Variants in RBFA observed in about 807,000 individuals in gnomAD.
The protein encoded by RBFA is putative ribosome-binding factor A, mitochondrial.
Under a neutral mutation model 27.9 loss-of-function variants are expected in RBFA, and 16 were observed. The ratio of observed to expected loss-of-function variants is 0.57; its 90% CI spans 0.39 to 0.87. RBFA has a LOEUF of 0.87. RBFA is among the 40% of genes least tolerant of loss of function. RBFA has a pLI of 0.00. For missense variants in RBFA, 456 were observed against 432.1 expected (o/e 1.06, Z -0.49); for synonymous variants, 181 against 181.0 (o/e 1.00, Z 0.00).
chr18:80,043,716 A>T (rs11661639), intron 5 of RBFA, among the ~76,000 whole-genome samples: 1 of 152,082 alleles, frequency 6.6e-6, no homozygotes, highest in East Asian at 1.9e-4. Flanking sequence ...GGCCATTGCC[A>T]TGGTGTGGGT....
chr18:80,043,056 G>A (rs930935246), intron 5 of RBFA, among the ~76,000 whole-genome samples: 1 of 152,110 alleles, frequency 6.6e-6, no homozygotes, highest in East Asian at 1.9e-4. Flanking sequence ...TGAGACTTAG[G>A]TCTGTCCTGT....
At chr18:80,040,444 C>G (rs1156429015) in intron 4 of RBFA, among the ~76,000 whole-genome samples, 2 of 151,846 alleles carry the variant, frequency 1.3e-5, no homozygotes, top group African/African-American at 2.4e-5. Flanking sequence ...GATAGGATCT[C>G]TCTATGTTGT....
Position 80,046,781 on chromosome 18 carries a change from ACCGTGG to A in RBFA, c.*627_*632del, listed in dbSNP as rs751182856. 129 of 153,354 alleles carry A rather than the reference ACCGTGG, an allele frequency of 8.4e-4. No homozygotes were observed. Among genetic ancestry groups the A allele is most frequent in the Non-Finnish European group, 1.6e-3 (107 of 68,778 alleles). 9.5% of individuals were successfully genotyped at this position (153,354 alleles called of 1,614,324 possible). Reference sequence around the variant, plus strand: ...GGCTTCCTGGGCGACCCCGGCTCTGACCGTGGTTCCATCACGCCTGAAGTAGTAACA... The same window carrying A: ...GGCTTCCTGGGCGACCCCGGCTCTGATTCCATCACGCCTGAAGTAGTAACA... On this transcript the variant is annotated 3_prime_UTR_variant, in exon 7 of 7. Coordinates refer to ENST00000306735, the MANE Select transcript of RBFA (RefSeq NM_024805.3).
intron 4 of RBFA, among the ~76,000 whole-genome samples, chr18:80,040,527 C>T (rs148578037): frequency 1.3e-5 from 2 of 152,240 alleles, no homozygotes; most frequent in African/African-American, 4.8e-5. Context: ...AGATTACAGG[C>T]ATGAGCTACT....
intron 2 of RBFA, 46 bp downstream of exon 2, chr18:80,036,756 G>T (rs149174800): frequency 3.4e-6 from 5 of 1,484,008 alleles, no homozygotes; most frequent in Admixed American, 1.8e-5. Context: ...TGGGAGTGAG[G>T]GTTTAAAAGT....
At chr18:80,035,531 A>T (rs1238268785) in intron 1 of RBFA, 3 of 152,166 alleles carry the variant, frequency 2.0e-5, no homozygotes. Context: ...GGGGAGGAAG[A>T]CTACAGAGGT....
Position 80,037,484 on chromosome 18 carries a change from A to G in RBFA, c.356A>G (p.Asp119Gly). ...CTPEVSQELYDLNVELSKVSL... is the reference protein window; with the variant it reads ...CTPEVSQELYGLNVELSKVSL... Reference sequence around the variant, plus strand: ...CCTGAAGTGAGTCAGGAGCTGTATGACCTTAACGTGGAGCTCTCCAAGGTA... The same window carrying G: ...CCTGAAGTGAGTCAGGAGCTGTATGGCCTTAACGTGGAGCTCTCCAAGGTA... Residue 119 changes from aspartate to glycine, a missense_variant, in exon 3 of 7, where the codon GAC becomes GGC. Coordinates refer to ENST00000306735, the MANE Select transcript of RBFA (RefSeq NM_024805.3). 1 of 1,612,998 alleles carries G rather than the reference A, an allele frequency of 6.2e-7. No homozygotes were observed. The highest frequency in any genetic ancestry group is 8.5e-7 in the Non-Finnish European group (1 of 1,179,118).
At chr18:80,045,730 G>T in intron 6 of RBFA, 44 bp from the exon 7 acceptor site, 1 of 1,497,976 alleles carries the variant, frequency 6.7e-7, no homozygotes, top group Non-Finnish European at 8.9e-7. Flanking sequence ...TGTGGACTAG[G>T]GGCATGGTTT....
rs763435545 is a variant in RBFA, at chr18:80,046,126, G to C, written c.1003G>C (p.Gly335Arg). 3.1e-6 allele frequency: 5 copies of C among 1,614,086 alleles called. No homozygotes were observed. The East Asian group carries it at 1.1e-4, about 36-fold the overall frequency. Residue 335 changes from glycine (G) to arginine (R), a missense_variant, in exon 7 of 7, where the codon GGC becomes CGC. Coordinates refer to ENST00000306735, the MANE Select transcript of RBFA (RefSeq NM_024805.3). ...AERGGGRTED[G>R]HSCGASRE ...GAGAGGAGGTGGCAGAACAGAGGAT[G>C]GCCACAGCTGCGGAGCAAGCAGGGA...
At chr18:80,040,072 G>C (rs1239448966) in intron 4 of RBFA, among the ~76,000 whole-genome samples, 1 of 151,972 alleles carries the variant, frequency 6.6e-6, no homozygotes, top group Non-Finnish European at 1.5e-5. Context: ...ACCATGCCCA[G>C]CTAATTTTTG....
At chr18:80,036,589 G>A (rs756962379) in intron 1 of RBFA, 79 bp from the exon 2 acceptor site, 26 of 1,039,294 alleles carry the variant, frequency 2.5e-5, no homozygotes, top group Non-Finnish European at 3.7e-5. Context: ...AACAGTTATG[G>A]TATCATAACC....
At chr18:80,044,633 A>G (rs991060344) in intron 6 of RBFA, among the ~76,000 whole-genome samples, 2 of 152,268 alleles carry the variant, frequency 1.3e-5, no homozygotes, top group East Asian at 3.8e-4. Flanking sequence ...CCTGCGTTTC[A>G]TTAGGGGAGG....
At chr18:80,036,908 G>A (rs2051983241) in intron 2 of RBFA, among the ~76,000 whole-genome samples, 198 bp downstream of exon 2, 1 of 152,200 alleles carries the variant, frequency 6.6e-6, no homozygotes, top group African/African-American at 2.4e-5. Flanking sequence ...TTTCTGGAAA[G>A]TCATATCTTT....
intron 2 of RBFA, 49 bp from the exon 3 acceptor site, chr18:80,037,281 T>C: frequency 6.4e-7 from 1 of 1,553,294 alleles, no homozygotes; most frequent in Non-Finnish European, 8.8e-7. Flanking sequence ...ACTTGGTGAG[T>C]TTGGAGTTGT....
At position 80,034,551 on chromosome 18, in the gene RBFA, TC is replaced by T; in HGVS notation, c.58del (p.Arg20ValfsTer59). On this transcript the variant is annotated frameshift_variant, in exon 1 of 7. Coordinates refer to ENST00000306735, the MANE Select transcript of RBFA (RefSeq NM_024805.3). LOFTEE classifies it high-confidence loss of function. ...TCCCGCGCGGGTCTCCGGGCCCTGT[TC>T]CGTAGCCGCGATGCTGCGCTATTTC... is the stretch of plus-strand genomic sequence containing the variant. ...WRSRAGLRALFRSRDAALFPG... is the reference protein window; with the variant it reads ...WRSRAGLRALXRSRDAALFPG... The T allele has an allele frequency of 6.2e-7, 1 of 1,608,460 alleles. No individual in the cohort carries two copies. The highest frequency in any genetic ancestry group is 8.5e-7 in the Non-Finnish European group (1 of 1,178,906).
chr18:80,036,518 A>G lies in RBFA; in HGVS notation c.159-150A>G, dbSNP rs1018399908. ...TTCCCCACAACCCATGTTGTTATCA[A>G]TTAAATTCTGAAATTTTTTAAGATG... On this transcript the variant is annotated intron_variant, in intron 1 of 6. Coordinates refer to ENST00000306735, the MANE Select transcript of RBFA (RefSeq NM_024805.3). 4.8e-5 allele frequency: 24 copies of G among 503,296 alleles called. 1 individual carries two copies. The South Asian group carries it at 9.2e-4, about 19-fold the overall frequency. The allele number at this position is 503,296 out of a possible 1,614,324, so 31.2% of individuals were successfully genotyped here.
At chr18:80,036,584 T>G in intron 1 of RBFA, 84 bp from the exon 2 acceptor site, 2 of 1,010,046 alleles carry the variant, frequency 2.0e-6, no homozygotes, top group Non-Finnish European at 3.1e-6. Context: ...CTATAAACAG[T>G]TATGGTATCA....
At chr18:80,041,978 G>A (rs1053005087) in intron 4 of RBFA, 157 bp from the exon 5 acceptor site, 24 of 311,320 alleles carry the variant, frequency 7.7e-5, no homozygotes, top group African/African-American at 1.5e-4. Flanking sequence ...CGCCCGCCTC[G>A]GCCTCCCAAA....
In RBFA at chr18:80,037,489, A is replaced by C. The variant is rs899407113; in HGVS notation, c.361A>C (p.Asn121His). Residue 121 changes from asparagine to histidine, a missense_variant, in exon 3 of 7, where the codon AAC becomes CAC. Physicochemically the swap from Asn to His is moderately conservative, Grantham distance 68 (BLOSUM62 1). Transcript: ENST00000306735. ...AGTGAGTCAGGAGCTGTATGACCTT[A>C]ACGTGGAGCTCTCCAAGGTAGGCTG... ...PEVSQELYDL[N>H]VELSKVSLTP... The C allele has an allele frequency of 1.2e-6, 2 of 1,612,502 alleles. No homozygotes were observed. The highest frequency in any genetic ancestry group is 1.7e-6 in the Non-Finnish European group (2 of 1,178,688).
Sources: gnomAD v4.1 joint callset for allele counts (sites outside exome capture counted in the v4.1 genomes callset) on GRCh38, gnomAD v4.1.1 for gene constraint, MANE v1.5 for transcripts, NCBI Gene and HGNC (gene_info 2026-07-23, HGNC 2026-07-21) for gene names.